SRP54: variants seen among roughly 807,000 people sequenced by gnomAD.
SRP54 encodes the protein signal recognition particle 54, also known as signal recognition particle subunit SRP54.
In SRP54, 10 loss-of-function variants were observed where a neutral mutation model predicts 64.8. The observed-to-expected ratio is 0.15, with a 90% CI of 0.10 to 0.26. The LOEUF is 0.26. Among genes scored for constraint, SRP54 ranks in the 10% least tolerant of loss-of-function variants. The pLI is 1.00. For missense variants in SRP54, 325 were observed against 613.7 expected (o/e 0.53, Z 4.97); for synonymous variants, 193 against 185.6 (o/e 1.04, Z -0.32).
intron 13 of SRP54, among the ~76,000 whole-genome samples, chr14:35,022,084 C>T (rs1438642780): frequency 6.6e-6 from 1 of 151,984 alleles, no homozygotes. Flanking sequence ...GAACGTACCT[C>T]TTTCTGCTTG....
intron 4 of SRP54, 114 bp from the exon 5 acceptor site, chr14:35,007,169 G>A (rs965924581): frequency 5.7e-6 from 3 of 524,656 alleles, no homozygotes; most frequent in Non-Finnish European, 1.0e-5. Context: ...CTCCAGCCTG[G>A]GTGACAAGAG....
At chr14:35,009,925 G>A (rs571065297) in intron 7 of SRP54, among the ~76,000 whole-genome samples, 1 of 152,000 alleles carries the variant, frequency 6.6e-6, no homozygotes, top group Admixed American at 6.6e-5. Flanking sequence ...TGAGGCGGGC[G>A]GATTATGAGG....
At chr14:35,011,478 T>A (rs183879358) in intron 7 of SRP54, 31 bp from the exon 8 acceptor site, 7 of 1,389,940 alleles carry the variant, frequency 5.0e-6, no homozygotes, top group Admixed American at 2.5e-5. Flanking sequence ...AGTTTTGTCG[T>A]TTTGTTAAAT....
chr14:35,002,559 A>G (rs1282428290), intron 4 of SRP54, among the ~76,000 whole-genome samples: 3 of 151,326 alleles, frequency 2.0e-5, no homozygotes, highest in South Asian at 2.1e-4. Context: ...CAGCCTCCCA[A>G]GTAGCTGGGA....
At chr14:35,004,686 A>C (rs914959393) in intron 4 of SRP54, 2 of 152,210 alleles carry the variant, frequency 1.3e-5, no homozygotes, top group African/African-American at 4.8e-5. Context: ...ATATGTTCCA[A>C]ATAATGGGTC....
At chr14:34,992,000 C>G (rs1381024241) in intron 1 of SRP54, among the ~76,000 whole-genome samples, 1 of 152,232 alleles carries the variant, frequency 6.6e-6, no homozygotes, top group Admixed American at 6.5e-5. Flanking sequence ...GTGGCACCAT[C>G]TCGGCTCACT....
In SRP54 at chr14:35,011,616, A is replaced by G. The variant is rs766018104; in HGVS notation, c.593A>G (p.Glu198Gly). 1.9e-6 allele frequency: 3 copies of G among 1,590,764 alleles called. No homozygotes were observed. The highest frequency in any genetic ancestry group is 2.6e-6 in the Non-Finnish European group (3 of 1,165,850). ...IVDTSGRHKQ[E>G]DSLFEEMLQV... ...GATACAAGTGGCCGCCACAAACAAG[A>G]AGACTCTTTGTTTGAAGAAATGCTT... Residue 198 changes from glutamate to glycine, a missense_variant, in exon 8 of 16, where the codon GAA becomes GGA. Around this residue, in one of 3 missense-constraint regions of SRP54, gnomAD observed 156 missense variants for 254.6 expected, o/e 0.61. Coordinates refer to ENST00000216774, the MANE Select transcript of SRP54 (RefSeq NM_003136.4).
At chr14:35,010,482 G>C (rs893751701) in intron 7 of SRP54, among the ~76,000 whole-genome samples, 1 of 151,854 alleles carries the variant, frequency 6.6e-6, no homozygotes, top group Non-Finnish European at 1.5e-5. Flanking sequence ...AAAAGAAATT[G>C]GAGGCCAGGC....
At chr14:34,998,965 T>TTGTGTGTTTG (rs1203724098) in intron 2 of SRP54, among the ~76,000 whole-genome samples, 1 of 121,774 alleles carries the variant, frequency 8.2e-6, no homozygotes, top group East Asian at 2.1e-4. Context: ...TATTATTACT[T>TTGTGTGTTTG]TGTGTGTATG....
chr14:34,987,567 T>C (rs534554861), intron 1 of SRP54, among the ~76,000 whole-genome samples: 2 of 152,232 alleles, frequency 1.3e-5, no homozygotes, highest in Admixed American at 6.5e-5. Context: ...GTTTTTTCAC[T>C]TATGTTTCGA....
rs2044307657 is a variant in SRP54, at chr14:35,008,787, A to G, written c.441A>G (p.Gln147=). ...ADTFRAGAFD[Q]LKQNATKARI... ...TTTATCTTCCAGGGGCTTTTGACCA[A>G]CTAAAACAGAATGCTACCAAAGCAA... Residue 147 remains glutamine, a synonymous_variant, in exon 7 of 16, where the codon CAA becomes CAG. Transcript: ENST00000216774. 2.0e-5 allele frequency: 32 copies of G among 1,610,860 alleles called. No homozygotes were observed. Among genetic ancestry groups the G allele is most frequent in the Non-Finnish European group, 2.6e-5 (31 of 1,179,262 alleles).
At chr14:35,001,277 G>A (rs776462358) in intron 4 of SRP54, among the ~76,000 whole-genome samples, 27 of 146,716 alleles carry the variant, frequency 1.8e-4, no homozygotes, top group Admixed American at 1.1e-3. Context: ...TCAGCCTCCC[G>A]AGTAGCTGGG....
At chr14:35,000,562 CA>C (rs59878870) in intron 3 of SRP54, among the ~76,000 whole-genome samples, 28,041 of 121,562 alleles carry the variant, frequency 0.23, 2,650 homozygotes, top group East Asian at 0.38. Flanking sequence ...GAGACTGTCT[CA>C]AAAAAAAAAA....
At chr14:35,001,053 A>G (rs758641098) in intron 4 of SRP54, 33 bp downstream of exon 4, 7 of 1,171,598 alleles carry the variant, frequency 6.0e-6, no homozygotes, top group Admixed American at 2.4e-5. Context: ...CTGTGATTCT[A>G]TACTCAGTGG....
chr14:34,992,873 T>C (rs903102223), intron 1 of SRP54, among the ~76,000 whole-genome samples: 3 of 152,062 alleles, frequency 2.0e-5, no homozygotes, highest in African/African-American at 7.2e-5. Flanking sequence ...TTTATTTATT[T>C]ATTTATTTAT....
Position 35,015,296 on chromosome 14 carries a change from G to C in SRP54, c.973+466G>C, listed in dbSNP as rs375788011. On this transcript the variant is annotated intron_variant, in intron 11 of 15. Transcript: ENST00000216774. Reference sequence around the variant, plus strand: ...TTGCCATGTTGGCCAGGCTGGTCTTGAACTGCTGACCTCAGGTGATCCACC... The same window carrying C: ...TTGCCATGTTGGCCAGGCTGGTCTTCAACTGCTGACCTCAGGTGATCCACC... 3.9e-5 allele frequency among the ~76,000 whole-genome samples: 6 copies of C among 152,156 alleles called. No homozygotes were observed. In the South Asian group the frequency reaches 6.2e-4, roughly 16 times the overall value.
At chr14:35,012,725 C>T (rs1337058638) in intron 8 of SRP54, among the ~76,000 whole-genome samples, 1 of 152,094 alleles carries the variant, frequency 6.6e-6, no homozygotes, top group Non-Finnish European at 1.5e-5. Context: ...GCCTCCCATA[C>T]TTCAAAACTG....
At chr14:35,010,730 A>G (rs1362374057) in intron 7 of SRP54, among the ~76,000 whole-genome samples, 1 of 152,084 alleles carries the variant, frequency 6.6e-6, no homozygotes, top group Non-Finnish European at 1.5e-5. Flanking sequence ...GCACCACTGC[A>G]CTCCAGCCTG....
rs774248607 is a variant in SRP54 at position 35,008,632 on chromosome 14, A to G, written c.366A>G (p.Ala122=). 3.8e-6 allele frequency: 6 copies of G among 1,569,576 alleles called. No homozygotes were observed. In the African/African-American group the frequency reaches 4.1e-5, roughly 11 times the overall value. The change falls in exon 6 of 16, where the codon GCA becomes GCG. Residue 122 remains alanine (A), a synonymous_variant. Transcript: ENST00000216774. ...SGKTTTCSKL[A]YYYQRKGWKT... is the part of the protein sequence containing the mutation. Reference sequence around the variant, plus strand: ...TTAAATCTTTTCTCACCCAGCTAGCATATTATTACCAGAGGAAAGGTTGGA... The same window carrying G: ...TTAAATCTTTTCTCACCCAGCTAGCGTATTATTACCAGAGGAAAGGTTGGA...
Sources: allele counts gnomAD v4.1 joint callset (sites outside exome capture counted in the v4.1 genomes callset), GRCh38; gene constraint gnomAD v4.1.1; regional missense constraint gnomAD v4.1.1; transcripts MANE v1.5; gene names NCBI Gene and HGNC (gene_info 2026-07-23, HGNC 2026-07-21).